MYRIP: variants seen among roughly 807,000 people sequenced by gnomAD.
MYRIP encodes the protein rab effector MyRIP.
A neutral mutation model predicts 98.0 loss-of-function variants in MYRIP; 49 were observed. The ratio of observed to expected loss-of-function variants is 0.50; its 90% confidence interval spans 0.40 to 0.63. MYRIP has a LOEUF of 0.63. Among genes scored for constraint, MYRIP ranks in the 30% least tolerant of loss-of-function variants. The pLI is 0.00. For synonymous variants in MYRIP, 404 were observed against 409.5 expected (o/e 0.99, Z 0.16); for missense variants, 1,004 against 1,058.2 (o/e 0.95, Z 0.71).
At chr3:39,841,515 T>C (rs1941800145) in intron 1 of MYRIP, among the ~76,000 whole-genome samples, 1 of 152,152 alleles carries the variant, frequency 6.6e-6, no homozygotes, top group Admixed American at 6.5e-5. Context: ...AGTTGTGATC[T>C]TTTGGAGGAG....
chr3:40,255,903 A>G (rs1489360583), intron 16 of MYRIP, among the ~76,000 whole-genome samples: 1 of 152,236 alleles, frequency 6.6e-6, no homozygotes, highest in Non-Finnish European at 1.5e-5. Flanking sequence ...TTGACTTTAT[A>G]CCAAATCACA....
At chr3:39,853,737 G>A (rs1942207698) in intron 1 of MYRIP, among the ~76,000 whole-genome samples, 1 of 151,880 alleles carries the variant, frequency 6.6e-6, no homozygotes, top group Non-Finnish European at 1.5e-5. Flanking sequence ...TTCTTTTGCT[G>A]TGCAGAAGCT....
chr3:39,992,332 T>C (rs1946199908), intron 2 of MYRIP, among the ~76,000 whole-genome samples: 1 of 152,188 alleles, frequency 6.6e-6, no homozygotes, highest in Admixed American at 6.5e-5. Flanking sequence ...CCCCAAACTC[T>C]GCCCTCTGGA....
At chr3:40,219,606 T>C (rs1256639462) in intron 11 of MYRIP, among the ~76,000 whole-genome samples, 1 of 152,138 alleles carries the variant, frequency 6.6e-6, no homozygotes, top group Non-Finnish European at 1.5e-5. Context: ...GTCCTTGCGA[T>C]AGTTTGCTCA....
chr3:39,925,154 G>A (rs570833367), intron 2 of MYRIP, among the ~76,000 whole-genome samples: 1 of 151,600 alleles, frequency 6.6e-6, no homozygotes, highest in African/African-American at 2.4e-5. Flanking sequence ...AAAAATAAAT[G>A]AAACAAAGTC....
In MYRIP at chr3:40,177,088, AT is replaced by A. The variant is rs143468046; in HGVS notation, c.874-5131del. On this transcript the variant is annotated intron_variant, in intron 8 of 16. Transcript: ENST00000302541. ...AGACCCTGTCTAAAAAAAAAAAAAA[AT>A]GTCAGAAATACACATGGACGCTGGC... 3.9e-3 allele frequency among the ~76,000 whole-genome samples: 591 copies of A among 150,144 alleles called. 7 individuals are homozygous for A. Among genetic ancestry groups the A allele is most frequent in the Non-Finnish European group, 5.2e-3 (353 of 67,336 alleles).
rs141581179 is a variant in MYRIP at position 40,245,001 on chromosome 3, C to T, written c.2262+394C>T. ...AATATTCCCCATTATAGACTGAAAG[C>T]TCCATGAGAATAGAACTATAGCTGT... On this transcript the variant is annotated intron_variant, in intron 13 of 16. Coordinates refer to ENST00000302541, the MANE Select transcript of MYRIP (RefSeq NM_015460.4). Among the ~76,000 whole-genome samples, 60 of 152,286 alleles carry T rather than the reference C, an allele frequency of 3.9e-4. 1 individual carries two copies. The East Asian group carries it at 9.8e-3, about 25-fold the overall frequency.
At chr3:39,920,392 A>G (rs548686544) in intron 2 of MYRIP, among the ~76,000 whole-genome samples, 101 of 152,268 alleles carry the variant, frequency 6.6e-4, no homozygotes, top group African/African-American at 2.3e-3. Context: ...ACTGATGTTT[A>G]ATTGTTTAGA....
chr3:39,977,882 C>G (rs934863374), intron 2 of MYRIP, among the ~76,000 whole-genome samples: 3 of 152,134 alleles, frequency 2.0e-5, no homozygotes, highest in African/African-American at 7.2e-5. Context: ...GGTCAGCTTT[C>G]CCCCGCTTTG....
At chr3:39,833,683 G>A (rs1033023213) in intron 1 of MYRIP, among the ~76,000 whole-genome samples, 1 of 152,082 alleles carries the variant, frequency 6.6e-6, no homozygotes, top group Non-Finnish European at 1.5e-5. Context: ...GATTCCACTG[G>A]TCACATTATT....
intron 1 of MYRIP, among the ~76,000 whole-genome samples, chr3:39,879,944 A>G (rs1223852409): frequency 6.6e-6 from 1 of 152,188 alleles, no homozygotes; most frequent in Non-Finnish European, 1.5e-5. Context: ...TCATTCTCTG[A>G]TACTTCATGA....
In MYRIP at chr3:40,245,650, CAA is replaced by C. The variant is rs1230060850; in HGVS notation, c.2262+1062_2262+1063del. Among the ~76,000 whole-genome samples the C allele has an allele frequency of 7.2e-3, 450 of 62,758 alleles. 1 individual carries two copies. The highest frequency in any genetic ancestry group is 0.062 in the Middle Eastern group (4 of 64). 41.2% of individuals were successfully genotyped at this position (62,758 alleles called of 152,430 possible). A position where few individuals can be genotyped will look rare whatever the true frequency, so the allele number is the denominator to read the frequency against. Reference sequence around the variant, plus strand: ...GGGCAACAGAGTGAGACTCCATCTCCAAAAAAAAAAAAAAAAAAAAGGGCTCC... The same window carrying C: ...GGGCAACAGAGTGAGACTCCATCTCCAAAAAAAAAAAAAAAAAAGGGCTCC... On this transcript the variant is annotated intron_variant, in intron 13 of 16. Coordinates refer to ENST00000302541, the MANE Select transcript of MYRIP (RefSeq NM_015460.4).
rs1158828911 is a variant in MYRIP at position 39,947,296 on chromosome 3, TAAGAA to T, written c.110+46374_110+46378del. Among the ~76,000 whole-genome samples, 39 of 151,210 alleles carry T rather than the reference TAAGAA, an allele frequency of 2.6e-4. 1 individual carries two copies. The highest frequency in any genetic ancestry group is 6.6e-5 in the Admixed American group (1 of 15,182). ...ACTTGGGGTAATAAAAGAAAGAAAT[TAAGAA>T]AAGTACAAGCAGAAATTAACAATTT... On this transcript the variant is annotated intron_variant, in intron 2 of 16. Coordinates refer to ENST00000302541, the MANE Select transcript of MYRIP (RefSeq NM_015460.4).
At position 39,832,121 on chromosome 3, in the gene MYRIP, C is replaced by G. The variant is rs570107854; in HGVS notation, c.-31+22205C>G. ...CTTCCTCTCACCCTGTGTGCATTCT[C>G]TGCATCATGAGAACATGGCTTTATT... On this transcript the variant is annotated intron_variant, in intron 1 of 16. Transcript: ENST00000302541. 3.9e-5 allele frequency among the ~76,000 whole-genome samples: 6 copies of G among 152,344 alleles called. No individual in the cohort carries two copies. The South Asian group carries it at 1.2e-3, about 32-fold the overall frequency.
intron 9 of MYRIP, among the ~76,000 whole-genome samples, chr3:40,185,800 C>T (rs1481096011): frequency 5.3e-5 from 8 of 152,128 alleles, no homozygotes; most frequent in Non-Finnish European, 1.0e-4. Context: ...TATCAAGGGT[C>T]GCCTCCTTTG....
chr3:39,923,321 CACAA>C (rs934325952), intron 2 of MYRIP, among the ~76,000 whole-genome samples: 18 of 152,042 alleles, frequency 1.2e-4, no homozygotes, highest in East Asian at 3.9e-4. Flanking sequence ...TGACAATAGA[CACAA>C]ACAAACAAAC....
At chr3:40,036,324 A>AAAAAAAAC (rs1553607293) in intron 2 of MYRIP, among the ~76,000 whole-genome samples, 1,505 of 125,258 alleles carry the variant, frequency 0.012, 74 homozygotes, top group African/African-American at 0.035. Flanking sequence ...AAAAAAAAAA[A>AAAAAAAAC]CTTTATTCAA....
chr3:40,051,318 C>T (rs906436386), intron 3 of MYRIP, among the ~76,000 whole-genome samples: 3 of 152,092 alleles, frequency 2.0e-5, no homozygotes, highest in Non-Finnish European at 4.4e-5. Context: ...TCAAGACCCT[C>T]AACCAACAAA....
chr3:39,984,348 G>A (rs1330556159), intron 2 of MYRIP, among the ~76,000 whole-genome samples: 1 of 152,018 alleles, frequency 6.6e-6, no homozygotes. Context: ...CTAGCATTAG[G>A]TATATCTCCC....
Sources: allele counts gnomAD v4.1 joint callset (sites outside exome capture counted in the v4.1 genomes callset), GRCh38; gene constraint gnomAD v4.1.1; transcripts MANE v1.5; gene names NCBI Gene and HGNC (gene_info 2026-07-23, HGNC 2026-07-21).